The following ARHGAP12 variants were observed in gnomAD, a reference collection of about 807,000 sequenced individuals.
The protein encoded by ARHGAP12 is Rho GTPase activating protein 12.
A neutral mutation model predicts 108.6 loss-of-function variants in ARHGAP12; 64 were observed. The observed-to-expected ratio is 0.59, with a 90% CI of 0.48 to 0.73. The LOEUF (loss-of-function observed/expected upper bound fraction) is 0.73, where lower values mean the gene tolerates loss of function less well. Ranked by LOEUF, ARHGAP12 falls within the 30% of genes least tolerant of loss-of-function variation. The probability of loss-of-function intolerance (pLI) is 0.00; values close to 1 mark genes in which losing one functional copy is unlikely to be tolerated. For synonymous variants in ARHGAP12, 312 were observed against 337.2 expected, an observed-to-expected ratio of 0.93 and a Z score of 0.82; for missense variants, 940 against 1,005.9, an observed-to-expected ratio of 0.93 and a Z score of 0.89.
chr10:31,827,820 A>C lies in ARHGAP12; in HGVS notation c.1449-1435T>G, dbSNP rs1343154520. Among the ~76,000 whole-genome samples the C allele has an allele frequency of 4.0e-5, 6 of 151,684 alleles. No homozygotes were observed. In the East Asian group the frequency reaches 7.7e-4, roughly 20 times the overall value. On this transcript the variant is annotated intron_variant, in intron 10 of 19. Transcript: ENST00000344936. ...AAAAAAAAACAAAAACAAAAAAAAAACCACCTCTAAAGGAGGTTTATTTTC... is the reference window on the plus strand; with the variant it reads ...AAAAAAAAACAAAAACAAAAAAAAACCCACCTCTAAAGGAGGTTTATTTTC...
chr10:31,851,698 T>C (rs1836686135), intron 6 of ARHGAP12, among the ~76,000 whole-genome samples: 1 of 152,236 alleles, frequency 6.6e-6, no homozygotes, highest in African/African-American at 2.4e-5. Context: ...TTTACTAGAT[T>C]AGCGTTTCCG....
intron 5 of ARHGAP12, 69 bp from the exon 6 acceptor site, chr10:31,852,666 G>C: frequency 1.1e-6 from 1 of 880,406 alleles, no homozygotes; most frequent in Admixed American, 2.1e-5. Flanking sequence ...TACTATCAGA[G>C]ATACTAGATT....
intron 15 of ARHGAP12, among the ~76,000 whole-genome samples, chr10:31,812,158 G>T (rs752928958): frequency 2.0e-5 from 3 of 151,920 alleles, no homozygotes; most frequent in Non-Finnish European, 4.4e-5. Context: ...AATTAAACAC[G>T]CTCGTAAGAA....
chr10:31,886,900 G>T (rs555754628), intron 3 of ARHGAP12, among the ~76,000 whole-genome samples: 2 of 152,246 alleles, frequency 1.3e-5, no homozygotes, highest in South Asian at 4.1e-4. Context: ...TTTTTGCAAA[G>T]AATTTTACAC....
chr10:31,826,403 A>G lies in ARHGAP12; in HGVS notation c.1449-18T>C, dbSNP rs777465273. ...AGTTCTTTCTGTAATTATAAAGATG[A>G]CCGATTAAAGCTCCAATCTCGAGTT... On this transcript the variant is annotated intron_variant, in intron 10 of 19. Transcript: ENST00000344936. The G allele has an allele frequency of 6.3e-7, 1 of 1,597,734 alleles. No homozygotes were observed. Among genetic ancestry groups the G allele is most frequent in the Non-Finnish European group, 8.5e-7 (1 of 1,170,750 alleles).
At chr10:31,820,933 A>G (rs182574257) in intron 11 of ARHGAP12, among the ~76,000 whole-genome samples, 35 of 152,200 alleles carry the variant, frequency 2.3e-4, no homozygotes, top group African/African-American at 7.9e-4. Context: ...GCAGTTCTGT[A>G]TCTTGGAATT....
chr10:31,820,430 T>A lies in ARHGAP12; in HGVS notation c.1589A>T (p.Glu530Val). 1 of 1,612,430 alleles carries A rather than the reference T, an allele frequency of 6.2e-7. No individual in the cohort carries two copies. The highest frequency in any genetic ancestry group is 1.1e-5 in the South Asian group (1 of 90,802). ...FTVDLKGATI[E>V]MASKDKSSKK... ...GCTGGATTTATCCTTTGAAGCCATC[T>A]CAATTGTTGCCCCCTTGAGGTCCAC... Residue 530 changes from glutamate to valine, a missense_variant, in exon 12 of 20, where the codon GAG becomes GTG. Coordinates refer to ENST00000344936, the MANE Select transcript of ARHGAP12 (RefSeq NM_018287.7).
At chr10:31,844,610 T>G (rs1836383226) in intron 6 of ARHGAP12, among the ~76,000 whole-genome samples, 5 of 152,068 alleles carry the variant, frequency 3.3e-5, no homozygotes, top group Admixed American at 2.6e-4. Context: ...CAGAGCTCAC[T>G]GCAACCTTGA....
chr10:31,901,887 T>G (rs1013000135), intron 3 of ARHGAP12, among the ~76,000 whole-genome samples: 15 of 152,190 alleles, frequency 9.9e-5, no homozygotes, highest in Admixed American at 8.5e-4. Context: ...CTTCTGTGTG[T>G]GCAGTGCCCT....
intron 10 of ARHGAP12, among the ~76,000 whole-genome samples, chr10:31,830,676 C>T (rs1368209325): frequency 6.6e-6 from 1 of 152,116 alleles, no homozygotes; most frequent in Non-Finnish European, 1.5e-5. Context: ...GCAACTTATA[C>T]TGCACAGAGT....
intron 1 of ARHGAP12, among the ~76,000 whole-genome samples, chr10:31,920,958 C>A (rs533234632): frequency 3.3e-5 from 5 of 152,160 alleles, no homozygotes; most frequent in African/African-American, 1.2e-4. Context: ...CTAAGCAACA[C>A]ACTTCTAAAT....
chr10:31,823,469 T>A (rs1405660916), intron 11 of ARHGAP12, among the ~76,000 whole-genome samples: 1 of 148,562 alleles, frequency 6.7e-6, no homozygotes, highest in Admixed American at 6.7e-5. Flanking sequence ...AACCATCCAC[T>A]CTCTGCCAAA....
intron 7 of ARHGAP12, among the ~76,000 whole-genome samples, chr10:31,841,456 G>T (rs75353276): frequency 0.024 from 3,616 of 152,176 alleles, 155 homozygotes; most frequent in African/African-American, 0.081. Flanking sequence ...ATCTTTTCCT[G>T]GGCTAACAAT....
intron 3 of ARHGAP12, among the ~76,000 whole-genome samples, chr10:31,883,713 CTTT>C (rs545505761): frequency 6.4e-5 from 9 of 139,802 alleles, no homozygotes; most frequent in Admixed American, 7.2e-5. Context: ...ATGTAAAATA[CTTT>C]TTTTTTTTTT....
chr10:31,823,891 T>C (rs902065932), intron 11 of ARHGAP12, among the ~76,000 whole-genome samples: 4 of 152,212 alleles, frequency 2.6e-5, no homozygotes, highest in Non-Finnish European at 5.9e-5. Context: ...TAAGATGTGA[T>C]TCTGCTGTAT....
intron 7 of ARHGAP12, among the ~76,000 whole-genome samples, chr10:31,841,350 C>T (rs559465478): frequency 6.6e-6 from 1 of 152,258 alleles, no homozygotes; most frequent in Admixed American, 6.5e-5. Context: ...ACAACATTTG[C>T]TATACAATAA....
At chr10:31,893,565 A>AT (rs143419226) in intron 3 of ARHGAP12, among the ~76,000 whole-genome samples, 69,900 of 151,906 alleles carry the variant, frequency 0.46, 16,369 homozygotes, top group Middle Eastern at 0.51. Context: ...GAATCTCTGA[A>AT]TAGACCAATA....
At chr10:31,885,822 A>C (rs1327075797) in intron 3 of ARHGAP12, among the ~76,000 whole-genome samples, 1 of 151,946 alleles carries the variant, frequency 6.6e-6, no homozygotes, top group Non-Finnish European at 1.5e-5. Context: ...CCAACTCAAA[A>C]AAAAAAAAAA....
chr10:31,811,390 C>A, intron 15 of ARHGAP12, among the ~76,000 whole-genome samples: 1 of 152,156 alleles, frequency 6.6e-6, no homozygotes, highest in Non-Finnish European at 1.5e-5. Context: ...TTCAACCCAA[C>A]AGTTTTGAAA....
Sources: gnomAD v4.1 joint callset for allele counts (sites outside exome capture counted in the v4.1 genomes callset) on GRCh38, gnomAD v4.1.1 for gene constraint, MANE v1.5 for transcripts, NCBI Gene and HGNC (gene_info 2026-07-23, HGNC 2026-07-21) for gene names.